Variants in RAB3C observed in about 807,000 individuals in gnomAD.
The protein encoded by RAB3C is RAB3C, member RAS oncogene family.
RAB3C carries 17 observed loss-of-function variants against 26.4 expected under a neutral mutation model. The observed-to-expected ratio is 0.64, with a 90% CI of 0.44 to 0.97. RAB3C has a LOEUF of 0.97. RAB3C is among the 50% of genes least tolerant of loss of function. The pLI is 0.00. For missense variants in RAB3C, 242 were observed against 281.9 expected (o/e 0.86, Z 1.01); for synonymous variants, 91 against 95.9 (o/e 0.95, Z 0.30).
chr5:58,846,367 G>A (rs1440101427), intron 4 of RAB3C, among the ~76,000 whole-genome samples: 4 of 152,068 alleles, frequency 2.6e-5, no homozygotes, highest in Non-Finnish European at 5.9e-5. Flanking sequence ...TGTTCAGTAT[G>A]TGTAGAGTGG....
At chr5:58,818,342 A>C (rs987458310) in intron 3 of RAB3C, among the ~76,000 whole-genome samples, 3 of 152,260 alleles carry the variant, frequency 2.0e-5, no homozygotes, top group Non-Finnish European at 4.4e-5. Context: ...GTGAAACATC[A>C]TAAAATATCA....
chr5:58,707,392 T>A (rs1274449089), intron 2 of RAB3C, among the ~76,000 whole-genome samples: 1 of 152,230 alleles, frequency 6.6e-6, no homozygotes, highest in Non-Finnish European at 1.5e-5. Flanking sequence ...CTAGGAGTTA[T>A]AACAGCTGAC....
chr5:58,659,262 ATG>A (rs532946782), intron 2 of RAB3C, among the ~76,000 whole-genome samples: 243 of 152,232 alleles, frequency 1.6e-3, no homozygotes, highest in Non-Finnish European at 2.3e-3. Context: ...TGTCCAAATT[ATG>A]TGTTTTTATT....
chr5:58,729,593 A>G (rs902461289), intron 3 of RAB3C, among the ~76,000 whole-genome samples: 2 of 150,156 alleles, frequency 1.3e-5, no homozygotes, highest in Non-Finnish European at 3.0e-5. Context: ...CTTCCATTTT[A>G]TATTTTATTA....
chr5:58,837,082 G>A (rs1434941426), intron 4 of RAB3C, among the ~76,000 whole-genome samples: 3 of 151,996 alleles, frequency 2.0e-5, no homozygotes, highest in African/African-American at 4.8e-5. Flanking sequence ...TCCTAACTAC[G>A]GTGAGATAGA....
intron 2 of RAB3C, among the ~76,000 whole-genome samples, chr5:58,638,158 G>A (rs1323406084): frequency 6.6e-6 from 1 of 152,094 alleles, no homozygotes; most frequent in Non-Finnish European, 1.5e-5. Flanking sequence ...CTTCCAACAA[G>A]AGGGCATGAG....
At chr5:58,661,860 G>A (rs17280636) in intron 2 of RAB3C, among the ~76,000 whole-genome samples, 3 of 149,114 alleles carry the variant, frequency 2.0e-5, no homozygotes, top group African/African-American at 7.7e-5. Context: ...GTTAGAGAAC[G>A]CATGCAAAAC....
At chr5:58,816,270 A>G (rs1743213533) in intron 3 of RAB3C, among the ~76,000 whole-genome samples, 1 of 152,176 alleles carries the variant, frequency 6.6e-6, no homozygotes, top group Non-Finnish European at 1.5e-5. Context: ...AAGGCAAGAC[A>G]GCCAATAAAA....
Position 58,657,337 on chromosome 5 carries a change from A to G in RAB3C, c.252+39467A>G, listed in dbSNP as rs188014827. On this transcript the variant is annotated intron_variant, in intron 2 of 4. Transcript: ENST00000282878. ...CACCAAAATCTCACAAATCACCACTAAAGAACTTACTTATGTAACCAAATA... is the reference window on the plus strand; with the variant it reads ...CACCAAAATCTCACAAATCACCACTGAAGAACTTACTTATGTAACCAAATA... Among the ~76,000 whole-genome samples, 163 of 152,244 alleles carry G rather than the reference A, an allele frequency of 1.1e-3. 1 individual carries two copies. Among genetic ancestry groups the G allele is most frequent in the African/African-American group, 3.6e-3 (151 of 41,532 alleles).
intron 2 of RAB3C, among the ~76,000 whole-genome samples, chr5:58,639,516 C>A (rs920437040): frequency 7.2e-5 from 11 of 152,156 alleles, no homozygotes; most frequent in Non-Finnish European, 1.6e-4. Context: ...CCTCACATGG[C>A]AGAGAGAGGA....
At chr5:58,627,081 C>T (rs1336555722) in intron 2 of RAB3C, among the ~76,000 whole-genome samples, 1 of 152,094 alleles carries the variant, frequency 6.6e-6, no homozygotes, top group Non-Finnish European at 1.5e-5. Flanking sequence ...ATCAACTGCA[C>T]AGGAAAGGCA....
rs1579956524 is a variant in RAB3C at position 58,857,798 on chromosome 5, A to G, written c.*6447A>G. 6.6e-6 allele frequency: 1 copy of G among 152,156 alleles called. No homozygotes were observed. Among genetic ancestry groups the G allele is most frequent in the East Asian group, 1.9e-4 (1 of 5,188 alleles). The allele number at this position is 152,156 out of a possible 1,614,324, so 9.4% of individuals were successfully genotyped here. ...TCATAAACTCATATATTCATCCTCA[A>G]ACTCCCTTGTTTAATGCTAATTGGT... On this transcript the variant is annotated 3_prime_UTR_variant, in exon 5 of 5. Coordinates refer to ENST00000282878, the MANE Select transcript of RAB3C (RefSeq NM_138453.4).
intron 2 of RAB3C, among the ~76,000 whole-genome samples, chr5:58,629,173 A>T (rs938247839): frequency 6.6e-6 from 1 of 151,380 alleles, no homozygotes; most frequent in African/African-American, 2.4e-5. Context: ...ATTTTTTTAA[A>T]TTTTTTTTGT....
intron 1 of RAB3C, among the ~76,000 whole-genome samples, chr5:58,617,124 A>G (rs1420592474): frequency 6.6e-6 from 1 of 152,174 alleles, no homozygotes; most frequent in East Asian, 1.9e-4. Context: ...TTTTTAATTT[A>G]AAAGACACTG....
chr5:58,661,023 G>A (rs746769993), intron 2 of RAB3C, among the ~76,000 whole-genome samples: 7 of 149,754 alleles, frequency 4.7e-5, no homozygotes, highest in East Asian at 1.9e-4. Context: ...TGATTAACAC[G>A]GACTCTATCA....
In RAB3C at chr5:58,600,271, T is replaced by C. The variant is rs529990443; in HGVS notation, c.24+17039T>C. ...TATAGTTTAGTTTGAAATCAGGTAG[T>C]ATGATGCCTCCAGATTTGTTCTTTT... On this transcript the variant is annotated intron_variant, in intron 1 of 4. Transcript: ENST00000282878. Among the ~76,000 whole-genome samples the C allele has an allele frequency of 7.2e-5, 11 of 152,306 alleles. No homozygotes were observed. In the South Asian group the frequency reaches 2.3e-3, roughly 32 times the overall value.
At chr5:58,750,093 A>G (rs1226508292) in intron 3 of RAB3C, among the ~76,000 whole-genome samples, 2 of 152,130 alleles carry the variant, frequency 1.3e-5, no homozygotes, top group Non-Finnish European at 2.9e-5. Flanking sequence ...CTAGTCTTCT[A>G]TTTTTAACCT....
chr5:58,601,573 A>G (rs1312528463), intron 1 of RAB3C, among the ~76,000 whole-genome samples: 1 of 151,768 alleles, frequency 6.6e-6, no homozygotes, highest in Non-Finnish European at 1.5e-5. Flanking sequence ...TTAAGCTAGG[A>G]GGGTTGTATT....
intron 3 of RAB3C, among the ~76,000 whole-genome samples, chr5:58,771,968 T>C (rs1164171393): frequency 1.3e-5 from 2 of 151,784 alleles, no homozygotes; most frequent in African/African-American, 4.8e-5. Flanking sequence ...CTTGGTAAAC[T>C]CAAAGTGTAT....
Sources: allele counts gnomAD v4.1 joint callset (sites outside exome capture counted in the v4.1 genomes callset), GRCh38; gene constraint gnomAD v4.1.1; transcripts MANE v1.5; gene names NCBI Gene and HGNC (gene_info 2026-07-23, HGNC 2026-07-21).